The following PKHD1 variants were observed in gnomAD, a reference collection of about 807,000 sequenced individuals.
PKHD1 encodes PKHD1 ciliary IPT domain containing fibrocystin/polyductin.
A neutral mutation model predicts 412.0 loss-of-function variants in PKHD1; 291 were observed. The ratio of observed to expected loss-of-function variants is 0.71; its 90% CI spans 0.64 to 0.78. The LOEUF is 0.78. Ranked by LOEUF, PKHD1 falls within the 30% of genes least tolerant of loss-of-function variation. The pLI is 0.00. For synonymous variants in PKHD1, 1,777 were observed against 1,821.5 expected (o/e 0.98, Z 0.62); for missense variants, 4,825 against 4,950.7 (o/e 0.97, Z 0.76).
In PKHD1 at chr6:51,758,591, T is replaced by C. The variant is rs1016150539; in HGVS notation, c.8643-3653A>G. Among the ~76,000 whole-genome samples the C allele has an allele frequency of 4.6e-5, 7 of 152,276 alleles. No homozygotes were observed. The East Asian group carries it at 1.4e-3, about 29-fold the overall frequency. ...CTTGCTTGTTGTTATGAGCAAAACA[T>C]ACCTCAAATAATAAATAAACAAAAA... On this transcript the variant is annotated intron_variant, in intron 55 of 66. Transcript: ENST00000371117.
chr6:51,828,911 CATCA>C (rs1334662720), intron 52 of PKHD1, among the ~76,000 whole-genome samples: 2 of 152,076 alleles, frequency 1.3e-5, no homozygotes, highest in Admixed American at 1.3e-4. Flanking sequence ...TTCAATCGCT[CATCA>C]ATCACAGATC....
chr6:51,911,342 T>C (rs1782912723), intron 39 of PKHD1, among the ~76,000 whole-genome samples: 1 of 152,118 alleles, frequency 6.6e-6, no homozygotes, highest in Non-Finnish European at 1.5e-5. Context: ...ACCACTTACC[T>C]AAAGTATGTG....
chr6:51,770,475 GTTATAA>G (rs71766867), intron 55 of PKHD1, among the ~76,000 whole-genome samples: 51,715 of 151,008 alleles, frequency 0.34, 10,869 homozygotes, highest in East Asian at 0.67. Context: ...TGGTAAAAAA[GTTATAA>G]TTATATTTTG....
At chr6:51,822,406 C>T (rs778820618) in intron 52 of PKHD1, among the ~76,000 whole-genome samples, 18 of 152,148 alleles carry the variant, frequency 1.2e-4, no homozygotes, top group Non-Finnish European at 2.6e-4. Flanking sequence ...CGTGGTATTG[C>T]TCCTTTCCTG....
chr6:51,943,798 C>T (rs556933708), intron 36 of PKHD1, among the ~76,000 whole-genome samples: 2 of 151,598 alleles, frequency 1.3e-5, no homozygotes, highest in South Asian at 4.2e-4. Context: ...TCACCCCTTA[C>T]CACAAAACCT....
chr6:51,784,486 T>C (rs1046448040), intron 53 of PKHD1, among the ~76,000 whole-genome samples: 2 of 152,180 alleles, frequency 1.3e-5, no homozygotes, highest in Admixed American at 6.5e-5. Context: ...GAATCTTCTA[T>C]TGGGGAATTT....
intron 55 of PKHD1, among the ~76,000 whole-genome samples, chr6:51,763,243 C>G (rs922603820): frequency 3.3e-5 from 5 of 151,938 alleles, no homozygotes; most frequent in Admixed American, 1.3e-4. Context: ...ATAATAATAC[C>G]TAACTTATAG....
rs2150231146 is a variant in PKHD1 at position 51,616,808 on chromosome 6, A to G, written c.*2273T>C. ...TGACACATAGAGGATAAATAAGAAG[A>G]TAATAAAAATTGGAAGAAGGGTAAA... On this transcript the variant is annotated 3_prime_UTR_variant, in exon 67 of 67. Coordinates refer to ENST00000371117, the MANE Select transcript of PKHD1 (RefSeq NM_138694.4). 1 of 396,946 alleles carries G rather than the reference A, an allele frequency of 2.5e-6. No individual in the cohort carries two copies. Among genetic ancestry groups the G allele is most frequent in the Non-Finnish European group, 4.4e-6 (1 of 224,914 alleles). 24.6% of individuals were successfully genotyped at this position (396,946 alleles called of 1,614,324 possible).
At chr6:51,803,158 A>G (rs967148969) in intron 52 of PKHD1, among the ~76,000 whole-genome samples, 1 of 151,468 alleles carries the variant, frequency 6.6e-6, no homozygotes, top group African/African-American at 2.4e-5. Flanking sequence ...CTTATATTTT[A>G]TAAAGTACAA....
At chr6:51,663,417 T>C (rs1773185632) in intron 60 of PKHD1, among the ~76,000 whole-genome samples, 1 of 152,144 alleles carries the variant, frequency 6.6e-6, no homozygotes, top group Admixed American at 6.6e-5. Flanking sequence ...AAACAATCAC[T>C]TCCTTTGTTG....
At chr6:51,833,627 G>A (rs930347715) in intron 51 of PKHD1, among the ~76,000 whole-genome samples, 1 of 152,166 alleles carries the variant, frequency 6.6e-6, no homozygotes, top group Non-Finnish European at 1.5e-5. Context: ...AAGTGACCTT[G>A]TTAATAGTAG....
intron 37 of PKHD1, among the ~76,000 whole-genome samples, chr6:51,933,600 GC>G: frequency 6.6e-6 from 1 of 152,366 alleles, no homozygotes; most frequent in Non-Finnish European, 1.5e-5. Context: ...ATACATGAGA[GC>G]AGTAGGTCAG....
chr6:51,711,911 A>G (rs1012134375), intron 60 of PKHD1, among the ~76,000 whole-genome samples: 26 of 152,314 alleles, frequency 1.7e-4, no homozygotes, highest in Admixed American at 1.5e-3. Context: ...TTTTCCTTGC[A>G]TTTGAGCAAC....
chr6:52,003,418 T>G (rs1798679104), intron 35 of PKHD1, among the ~76,000 whole-genome samples: 2 of 152,108 alleles, frequency 1.3e-5, no homozygotes, highest in Admixed American at 1.3e-4. Context: ...GCTGTGAACA[T>G]GAGGAAGGTG....
chr6:51,788,730 C>A (rs1000890039), intron 53 of PKHD1, among the ~76,000 whole-genome samples: 1 of 147,564 alleles, frequency 6.8e-6, no homozygotes, highest in African/African-American at 2.7e-5. Flanking sequence ...CCATTTGGAT[C>A]TTTGTAAATC....
chr6:51,948,511 A>C (rs1789823278), intron 36 of PKHD1, among the ~76,000 whole-genome samples: 1 of 152,176 alleles, frequency 6.6e-6, no homozygotes, highest in African/African-American at 2.4e-5. Context: ...AAATTTAACA[A>C]AAACTATAAT....
chr6:52,049,069 GAGAA>G (rs1806332779), intron 22 of PKHD1, among the ~76,000 whole-genome samples: 1 of 152,188 alleles, frequency 6.6e-6, no homozygotes, highest in Non-Finnish European at 1.5e-5. Context: ...AAAAAGATGA[GAGAA>G]AGAAACCTAT....
intron 46 of PKHD1, among the ~76,000 whole-genome samples, chr6:51,880,802 A>C (rs1262825846): frequency 1.8e-5 from 1 of 56,466 alleles, no homozygotes; most frequent in Non-Finnish European, 3.1e-5. Flanking sequence ...AAAAAAAAAA[A>C]AAAAACACAA....
Position 51,846,884 on chromosome 6 carries a change from G to A in PKHD1, c.8107+891C>T, listed in dbSNP as rs1359766767. Among the ~76,000 whole-genome samples, 27 of 152,120 alleles carry A rather than the reference G, an allele frequency of 1.8e-4. 1 individual carries two copies. The highest frequency in any genetic ancestry group is 1.6e-3 in the Admixed American group (25 of 15,272). On this transcript the variant is annotated intron_variant, in intron 50 of 66. Coordinates refer to ENST00000371117, the MANE Select transcript of PKHD1 (RefSeq NM_138694.4). Reference sequence around the variant, plus strand: ...TTCCGTCTTAATTCAGCCTCTCTCTGCATTGGTACTCTCTACCTTGGACTC... The same window carrying A: ...TTCCGTCTTAATTCAGCCTCTCTCTACATTGGTACTCTCTACCTTGGACTC...
Sources: gnomAD v4.1 joint callset for allele counts (sites outside exome capture counted in the v4.1 genomes callset) on GRCh38, gnomAD v4.1.1 for gene constraint, MANE v1.5 for transcripts, NCBI Gene and HGNC (gene_info 2026-07-23, HGNC 2026-07-21) for gene names.